Variants in WWOX observed in about 807,000 individuals in gnomAD.
WWOX encodes the protein WW domain-containing oxidoreductase.
In WWOX, 69 loss-of-function variants were observed where a neutral mutation model predicts 46.2. The observed-to-expected ratio is 1.49, with a 90% CI of 1.23 to 1.82. WWOX has a LOEUF of 1.82. Ranked by LOEUF, WWOX falls within the 40% of genes most tolerant of loss-of-function variation. The pLI, the probability that WWOX is intolerant of heterozygous loss-of-function variation, is 0.00. For missense variants in WWOX, 919 were observed against 542.6 expected (o/e 1.69, Z -6.89); for synonymous variants, 359 against 202.6 (o/e 1.77, Z -6.56).
At chr16:78,740,313 G>A (rs572207622) in intron 8 of WWOX, among the ~76,000 whole-genome samples, 4 of 152,256 alleles carry the variant, frequency 2.6e-5, no homozygotes, top group Admixed American at 6.5e-5. Context: ...GAAATTACCC[G>A]TCGGGGGGCT....
Position 78,817,199 on chromosome 16 carries a change from T to TTTTC in WWOX, c.1056+384447_1056+384448insTTTC, listed in dbSNP as rs1567580621. Among the ~76,000 whole-genome samples, 25 of 144,600 alleles carry TTTTC rather than the reference T, an allele frequency of 1.7e-4. 1 individual carries two copies. Among genetic ancestry groups the TTTTC allele is most frequent in the Admixed American group, 6.9e-5 (1 of 14,466 alleles). The allele number at this position is 144,600 out of a possible 152,430, so 94.9% of individuals were successfully genotyped here. On this transcript the variant is annotated intron_variant, in intron 8 of 8. Transcript: ENST00000566780. ...TTTTTTTTTTTTTTTTTTTTTTTTT[T>TTTTC]CCTTCTTCAACCCTGACTCTGATTC...
chr16:78,510,282 C>T (rs965112079), intron 8 of WWOX, among the ~76,000 whole-genome samples: 6 of 152,110 alleles, frequency 3.9e-5, no homozygotes, highest in Admixed American at 6.5e-5. Context: ...CTCCACTCAC[C>T]GCAAGCTCCG....
At chr16:79,147,358 C>G (rs181783210) in intron 8 of WWOX, among the ~76,000 whole-genome samples, 86 of 152,254 alleles carry the variant, frequency 5.6e-4, no homozygotes, top group Admixed American at 1.2e-3. Flanking sequence ...AGTATGTAAT[C>G]TTTTGGGGAC....
At chr16:78,418,334 A>G (rs2082846048) in intron 6 of WWOX, among the ~76,000 whole-genome samples, 1 of 152,000 alleles carries the variant, frequency 6.6e-6, no homozygotes, top group South Asian at 2.1e-4. Context: ...ACTGCACTCC[A>G]GCCTGGGCAG....
At chr16:78,976,494 T>G (rs1180079903) in intron 8 of WWOX, among the ~76,000 whole-genome samples, 1 of 152,182 alleles carries the variant, frequency 6.6e-6, no homozygotes, top group Admixed American at 6.5e-5. Context: ...GCAAGTAATT[T>G]CTGCTTAAGC....
intron 8 of WWOX, among the ~76,000 whole-genome samples, chr16:78,718,047 G>T (rs1173212942): frequency 8.1e-6 from 1 of 122,824 alleles, no homozygotes; most frequent in Non-Finnish European, 1.7e-5. Context: ...GACTGCAAAC[G>T]TTATTTGCTT....
intron 8 of WWOX, among the ~76,000 whole-genome samples, chr16:78,556,287 A>G (rs939460140): frequency 1.3e-5 from 2 of 151,158 alleles, no homozygotes; most frequent in Middle Eastern, 3.2e-3. Flanking sequence ...GAAAAAATCC[A>G]ACACAGAGAC....
chr16:78,243,405 G>A (rs2037720478), intron 5 of WWOX, among the ~76,000 whole-genome samples: 1 of 152,090 alleles, frequency 6.6e-6, no homozygotes. Context: ...GTGCAGGGCT[G>A]TTAAATAGGT....
At chr16:78,485,733 A>C (rs2084618408) in intron 8 of WWOX, among the ~76,000 whole-genome samples, 1 of 152,202 alleles carries the variant, frequency 6.6e-6, no homozygotes, top group Non-Finnish European at 1.5e-5. Context: ...CAGATGAAAG[A>C]ACAGATTGCC....
At chr16:78,372,243 G>C (rs1013136451) in intron 5 of WWOX, among the ~76,000 whole-genome samples, 3 of 152,134 alleles carry the variant, frequency 2.0e-5, no homozygotes, top group Admixed American at 1.3e-4. Flanking sequence ...TCCAAAGGCA[G>C]AGTCTCAAAA....
At chr16:78,275,745 C>G (rs944349901) in intron 5 of WWOX, among the ~76,000 whole-genome samples, 6 of 152,154 alleles carry the variant, frequency 3.9e-5, no homozygotes, top group Admixed American at 3.3e-4. Flanking sequence ...TTAAATCTTC[C>G]TTTTGGTATT....
Position 78,120,889 on chromosome 16 carries a change from G to A in WWOX, c.409+5735G>A, listed in dbSNP as rs547668269. 2.8e-4 allele frequency among the ~76,000 whole-genome samples: 43 copies of A among 152,060 alleles called. 1 individual carries two copies. Among genetic ancestry groups the A allele is most frequent in the East Asian group, 1.9e-4 (1 of 5,198 alleles). On this transcript the variant is annotated intron_variant, in intron 4 of 8. Coordinates refer to ENST00000566780, the MANE Select transcript of WWOX (RefSeq NM_016373.4). ...TCCACACTTCCCAATTATGGACTAC[G>A]CCAGCTTCCTTTACACCTTTGCTTC...
chr16:79,050,949 C>G (rs1213528812), intron 8 of WWOX, among the ~76,000 whole-genome samples: 1 of 152,190 alleles, frequency 6.6e-6, no homozygotes, highest in Admixed American at 6.5e-5. Flanking sequence ...AAATTACAGC[C>G]CAGATTAGCA....
chr16:78,869,322 C>T (rs1435489202), intron 8 of WWOX, among the ~76,000 whole-genome samples: 5 of 152,134 alleles, frequency 3.3e-5, no homozygotes, highest in South Asian at 2.1e-4. Context: ...TTGTGATTAT[C>T]TTCAGTCAGA....
At position 78,832,428 on chromosome 16, in the gene WWOX, A is replaced by T. The variant is rs540014509; in HGVS notation, c.1057-379180A>T. Among the ~76,000 whole-genome samples, 80 of 152,306 alleles carry T rather than the reference A, an allele frequency of 5.3e-4. No individual in the cohort carries two copies. In the South Asian group the frequency reaches 0.016, roughly 31 times the overall value. On this transcript the variant is annotated intron_variant, in intron 8 of 8. Coordinates refer to ENST00000566780, the MANE Select transcript of WWOX (RefSeq NM_016373.4). ...TAGCTACATTCTATTGATTAGAAGA[A>T]TACTAGTAAAGACCATAGTTAGGAG... is the stretch of plus-strand genomic sequence containing the variant.
intron 5 of WWOX, among the ~76,000 whole-genome samples, chr16:78,283,436 T>C (rs1286016702): frequency 6.6e-6 from 1 of 152,200 alleles, no homozygotes; most frequent in African/African-American, 2.4e-5. Flanking sequence ...CATTTTCAAA[T>C]AACTTTTGTT....
intron 8 of WWOX, among the ~76,000 whole-genome samples, chr16:78,803,356 G>A (rs907918713): frequency 1.3e-5 from 2 of 152,028 alleles, no homozygotes; most frequent in Admixed American, 6.5e-5. Flanking sequence ...TCATTCTCAA[G>A]TGTAGTATTT....
At chr16:78,626,703 G>A (rs2046319694) in intron 8 of WWOX, among the ~76,000 whole-genome samples, 1 of 151,974 alleles carries the variant, frequency 6.6e-6, no homozygotes, top group South Asian at 2.1e-4. Flanking sequence ...TGTGGAGTGG[G>A]GATTTAATGT....
chr16:78,309,285 C>T (rs1195393206), intron 5 of WWOX, among the ~76,000 whole-genome samples: 2 of 152,190 alleles, frequency 1.3e-5, no homozygotes, highest in African/African-American at 2.4e-5. Context: ...GTTCATTCTG[C>T]TTCCTGCCGC....
Sources: gnomAD v4.1 joint callset for allele counts (sites outside exome capture counted in the v4.1 genomes callset) on GRCh38, gnomAD v4.1.1 for gene constraint, MANE v1.5 for transcripts, NCBI Gene and HGNC (gene_info 2026-07-23, HGNC 2026-07-21) for gene names.